The following PDE10A variants were observed in gnomAD, a reference collection of about 807,000 sequenced individuals.
The protein encoded by PDE10A is phosphodiesterase 10A.
PDE10A carries 39 observed loss-of-function variants against 97.7 expected under a neutral mutation model. That is an observed-to-expected ratio of 0.40 (90% confidence interval 0.31 to 0.52). PDE10A has a LOEUF of 0.52. PDE10A is among the 20% of genes least tolerant of loss of function. PDE10A has a pLI of 0.56. For synonymous variants in PDE10A, 371 were observed against 376.8 expected, an observed-to-expected ratio of 0.98 and a Z score of 0.18; for missense variants, 731 against 1,047.8, an observed-to-expected ratio of 0.70 and a Z score of 4.17.
chr6:165,370,923 A>T lies in PDE10A; in HGVS notation c.2783+8271T>A, dbSNP rs6906766. On this transcript the variant is annotated intron_variant, in intron 18 of 21. Coordinates refer to ENST00000539869, the MANE Select transcript of PDE10A (RefSeq NM_001385079.1). ...TCAAACTAGAACTCAGGGTTAAGAA[A>T]CTCACTCAAAACTGCTCAACTACAT... Among the ~76,000 whole-genome samples the T allele has an allele frequency of 5.3e-3, 767 of 145,278 alleles. 8 individuals are homozygous for T. The highest frequency in any genetic ancestry group is 0.019 in the African/African-American group (740 of 37,960).
intron 17 of PDE10A, among the ~76,000 whole-genome samples, chr6:165,379,647 T>C (rs16897777): frequency 0.026 from 3,997 of 152,280 alleles, 183 homozygotes; most frequent in African/African-American, 0.091. Context: ...GATTTAAATA[T>C]ATCTAGTTCT....
intron 12 of PDE10A, 90 bp downstream of exon 12, chr6:165,416,099 G>T: frequency 4.9e-6 from 4 of 822,888 alleles, no homozygotes; most frequent in Non-Finnish European, 8.5e-6. Context: ...GAATTGGGAC[G>T]TGGAGAACTC....
chr6:165,479,788 T>TA, intron 3 of PDE10A, among the ~76,000 whole-genome samples: 1 of 152,032 alleles, frequency 6.6e-6, no homozygotes, highest in East Asian at 1.9e-4. Flanking sequence ...GGTCATTGAA[T>TA]GATAGGTAAG....
intron 1 of PDE10A, among the ~76,000 whole-genome samples, chr6:165,708,673 C>T (rs954171510): frequency 1.3e-5 from 2 of 151,744 alleles, no homozygotes; most frequent in African/African-American, 2.4e-5. Context: ...GGCCGACCCA[C>T]TCTCCCTCTC....
At chr6:165,870,785 A>G (rs1781186258) in intron 1 of PDE10A, among the ~76,000 whole-genome samples, 2 of 152,212 alleles carry the variant, frequency 1.3e-5, no homozygotes, top group Non-Finnish European at 1.5e-5. Context: ...AAAAAAACAA[A>G]ATCTTGCCAT....
At chr6:165,356,892 C>A (rs935667755) in intron 18 of PDE10A, among the ~76,000 whole-genome samples, 7 of 151,992 alleles carry the variant, frequency 4.6e-5, no homozygotes, top group African/African-American at 1.7e-4. Flanking sequence ...TCTTTCAAAT[C>A]TTTATGCCTT....
chr6:165,618,927 G>A (rs769232580), intron 1 of PDE10A, among the ~76,000 whole-genome samples: 10 of 147,376 alleles, frequency 6.8e-5, no homozygotes, highest in African/African-American at 1.3e-4. Flanking sequence ...TGAGAGAAGC[G>A]TGTAGTCTAG....
At chr6:165,985,159 T>G (rs889810586) in intron 1 of PDE10A, among the ~76,000 whole-genome samples, 1 of 152,204 alleles carries the variant, frequency 6.6e-6, no homozygotes, top group Non-Finnish European at 1.5e-5. Flanking sequence ...CTATCCAGAC[T>G]CAGATTCTCC....
intron 1 of PDE10A, among the ~76,000 whole-genome samples, chr6:165,861,661 GA>G (rs1780909253): frequency 6.6e-6 from 1 of 151,954 alleles, no homozygotes; most frequent in Non-Finnish European, 1.5e-5. Flanking sequence ...AGCAGAGACC[GA>G]AAGACCAGAG....
intron 2 of PDE10A, among the ~76,000 whole-genome samples, chr6:165,503,359 T>C (rs144482733): frequency 6.6e-6 from 1 of 152,334 alleles, no homozygotes; most frequent in Non-Finnish European, 1.5e-5. Flanking sequence ...CGTGGAAGAA[T>C]GCAGCGGGCT....
At chr6:165,376,588 T>C (rs1784617093) in intron 18 of PDE10A, among the ~76,000 whole-genome samples, 1 of 152,192 alleles carries the variant, frequency 6.6e-6, no homozygotes, top group Admixed American at 6.5e-5. Flanking sequence ...TCCATTGATG[T>C]GACAGACTTC....
chr6:165,754,904 A>C (rs898903884), intron 1 of PDE10A, among the ~76,000 whole-genome samples: 1 of 152,236 alleles, frequency 6.6e-6, no homozygotes, highest in African/African-American at 2.4e-5. Context: ...TCATTTAATC[A>C]ATCCAGAATT....
chr6:165,398,607 T>C (rs1008938013), intron 13 of PDE10A, among the ~76,000 whole-genome samples: 1 of 152,206 alleles, frequency 6.6e-6, no homozygotes, highest in African/African-American at 2.4e-5. Flanking sequence ...TCCTTTGTTC[T>C]TTATGTCAAT....
At chr6:165,576,529 A>G in intron 1 of PDE10A, 1 of 742,886 alleles carries the variant, frequency 1.3e-6, no homozygotes, top group Non-Finnish European at 2.5e-6. Flanking sequence ...CTATATCTAT[A>G]CCATTAGCTT....
Position 165,538,624 on chromosome 6 carries a change from C to T in PDE10A, c.994+4816G>A, listed in dbSNP as rs564233377. Among the ~76,000 whole-genome samples the T allele has an allele frequency of 4.6e-5, 7 of 152,138 alleles. No homozygotes were observed. The South Asian group carries it at 1.5e-3, about 32-fold the overall frequency. ...CTTCATGCACCCTTTCTAATACCAC[C>T]GACACTGTCAACTCACAATTTTTTA... On this transcript the variant is annotated intron_variant, in intron 2 of 21. Coordinates refer to ENST00000539869, the MANE Select transcript of PDE10A (RefSeq NM_001385079.1).
chr6:165,917,051 G>C (rs1027941687), intron 1 of PDE10A, among the ~76,000 whole-genome samples: 1 of 152,262 alleles, frequency 6.6e-6, no homozygotes, highest in South Asian at 2.1e-4. Context: ...TATCTCAGCA[G>C]TTCAAAAATG....
In PDE10A at chr6:165,780,097, G is replaced by A. The variant is rs141783613; in HGVS notation, c.-615+207432C>T. On this transcript the variant is annotated intron_variant, in intron 1 of 19. Transcript: ENST00000366882. ...AGATTATTTACATTTGTATCTTTAA[G>A]TGGTACAAGTTTGAATTCAATTGGC... Among the ~76,000 whole-genome samples the A allele has an allele frequency of 3.7e-4, 57 of 152,178 alleles. 1 individual carries two copies. In the Middle Eastern group the frequency reaches 0.014, roughly 36 times the overall value.
rs540753619 is a variant in PDE10A, at chr6:165,869,088, A to T, written c.-615+118441T>A. On this transcript the variant is annotated intron_variant, in intron 1 of 19. Transcript: ENST00000366882. ...CACTCTTATTCAACATCGTGCTGGA[A>T]GTCCTAGCCATAGCAATCAGGTAAA... 2.6e-5 allele frequency among the ~76,000 whole-genome samples: 4 copies of T among 152,284 alleles called. No homozygotes were observed. In the East Asian group the frequency reaches 7.7e-4, roughly 29 times the overall value.
Position 165,591,176 on chromosome 6 carries a change from T to C in PDE10A, c.866-47608A>G, listed in dbSNP as rs148750077. 7.8e-3 allele frequency among the ~76,000 whole-genome samples: 1,184 copies of C among 152,184 alleles called. 16 individuals carry two copies. The highest frequency in any genetic ancestry group is 0.028 in the African/African-American group (1,145 of 41,526). ...AGATCATGTGTAATTCATTGTAAAT[T>C]TGGTAACATGGAAAAAAGTGAATTG... On this transcript the variant is annotated intron_variant, in intron 1 of 21. Transcript: ENST00000539869.
Sources: gnomAD v4.1 joint callset for allele counts (sites outside exome capture counted in the v4.1 genomes callset) on GRCh38, gnomAD v4.1.1 for gene constraint, MANE v1.5 for transcripts, NCBI Gene and HGNC (gene_info 2026-07-23, HGNC 2026-07-21) for gene names.